The following LSP1 variants were observed in gnomAD, a reference collection of about 807,000 sequenced individuals.
The protein encoded by LSP1 is lymphocyte specific protein 1.
Under a neutral mutation model 49.3 loss-of-function variants are expected in LSP1, and 32 were observed. That is an observed-to-expected ratio of 0.65 (90% CI 0.49 to 0.87). The LOEUF (loss-of-function observed/expected upper bound fraction) is 0.87, where lower values mean the gene tolerates loss of function less well. Ranked by LOEUF, LSP1 falls within the 40% of genes least tolerant of loss-of-function variation. The probability of loss-of-function intolerance (pLI) is 0.00; values close to 1 mark genes in which losing one functional copy is unlikely to be tolerated. For synonymous variants in LSP1, 179 were observed against 178.8 expected (o/e 1.00, Z -0.01); for missense variants, 428 against 442.6 (o/e 0.97, Z 0.30).
At chr11:1,870,175 C>T (rs1283025788) in intron 1 of LSP1, 1 of 894,084 alleles carries the variant, frequency 1.1e-6, no homozygotes, top group Non-Finnish European at 1.6e-6. Flanking sequence ...GGCCGGTCCA[C>T]TTGACCTCAG....
At chr11:1,883,122 G>A (rs958932463) in intron 3 of LSP1, among the ~76,000 whole-genome samples, 1 of 152,234 alleles carries the variant, frequency 6.6e-6, no homozygotes, top group African/African-American at 2.4e-5. Context: ...CACAAAGCTG[G>A]GGATTGAACC....
chr11:1,880,006 G>A lies in LSP1; in HGVS notation c.54-81G>A, dbSNP rs776817354. ...GCCTGCACCGTGTGGCCCCAGCAAG[G>A]CCTGTGTAGATGGGAGGAATGGGTG... On this transcript the variant is annotated intron_variant, in intron 1 of 10. Transcript: ENST00000311604. The A allele has an allele frequency of 3.9e-6, 6 of 1,548,150 alleles. 1 individual carries two copies. The South Asian group carries it at 7.0e-5, about 18-fold the overall frequency.
At chr11:1,869,859 C>G in intron 1 of LSP1, 1 of 463,576 alleles carries the variant, frequency 2.2e-6, no homozygotes, top group Non-Finnish European at 4.5e-6. Context: ...GACTGGGACC[C>G]CCTGGGTCAG....
At chr11:1,886,911 C>T (rs749495946) in intron 8 of LSP1, 45 bp downstream of exon 8, 1 of 1,591,948 alleles carries the variant, frequency 6.3e-7, no homozygotes, top group Non-Finnish European at 8.6e-7. Context: ...GAGCCAGCGC[C>T]TGGGAGTTTA....
Position 1,870,131 on chromosome 11 carries a change from C to A in LSP1, c.54-9956C>A, listed in dbSNP as rs796998430. ...CTGGTGCTCACTGTGCCTCTTTAAA[C>A]GGGGATGTCTGGACCTCTGGTGCAG... On this transcript the variant is annotated intron_variant, in intron 1 of 10. Transcript: ENST00000311604. 7.4e-6 allele frequency: 4 copies of A among 540,188 alleles called. 1 individual carries two copies. The highest frequency in any genetic ancestry group is 3.0e-5 in the South Asian group (2 of 65,922). 33.5% of individuals were successfully genotyped at this position (540,188 alleles called of 1,614,324 possible). A position where few individuals can be genotyped will look rare whatever the true frequency, so the allele number is the denominator to read the frequency against.
At chr11:1,885,294 A>G (rs1421840149) in intron 7 of LSP1, among the ~76,000 whole-genome samples, 1 of 151,906 alleles carries the variant, frequency 6.6e-6, no homozygotes, top group African/African-American at 2.4e-5. Flanking sequence ...CCTCCATTCA[A>G]TCGGTACCTC....
chr11:1,881,607 G>T lies in LSP1; in HGVS notation c.356+11G>T. On this transcript the variant is annotated intron_variant, in intron 3 of 10. Coordinates refer to ENST00000311604, the MANE Select transcript of LSP1 (RefSeq NM_002339.3). ...GGAGCAAGAGGACAGGTGAGTGAGG[G>T]CCTCGAGGGCGGGCGCTGGGCAGAG... is the stretch of plus-strand genomic sequence containing the variant. The T allele has an allele frequency of 7.2e-7, 1 of 1,394,638 alleles. No individual in the cohort carries two copies. The highest frequency in any genetic ancestry group is 9.4e-7 in the Non-Finnish European group (1 of 1,058,598). The allele number at this position is 1,394,638 out of a possible 1,614,324, so 86.4% of individuals were successfully genotyped here. A position where few individuals can be genotyped will look rare whatever the true frequency, so the allele number is the denominator to read the frequency against.
chr11:1,889,814 T>A (rs943846003), intron 10 of LSP1: 4 of 637,516 alleles, frequency 6.3e-6, no homozygotes, highest in Non-Finnish European at 1.1e-5. Flanking sequence ...CTCTGGGCAC[T>A]GAGGCCTGGA....
chr11:1,866,514 T>G (rs1209026745), intron 1 of LSP1: 1 of 1,516,076 alleles, frequency 6.6e-7, no homozygotes, highest in African/African-American at 1.4e-5. Context: ...GGTCTCCGGC[T>G]GTCACCTGAG....
chr11:1,866,421 G>GCTCAC, intron 1 of LSP1: 2 of 1,434,496 alleles, frequency 1.4e-6, no homozygotes, highest in South Asian at 2.9e-5. Context: ...AGGGCAGCCC[G>GCTCAC]GCTCACCCCT....
At chr11:1,859,710 C>A (rs1402947951) in intron 1 of LSP1, among the ~76,000 whole-genome samples, 26 of 149,300 alleles carry the variant, frequency 1.7e-4, no homozygotes, top group South Asian at 4.3e-4. Flanking sequence ...AGCCCCCAGC[C>A]CCCAGCCCCC....
chr11:1,865,882 G>GCC (rs1847774283), intron 1 of LSP1, among the ~76,000 whole-genome samples: 1 of 151,988 alleles, frequency 6.6e-6, no homozygotes, highest in Non-Finnish European at 1.5e-5. Context: ...CCTGGCTGCA[G>GCC]CCACCAACCC....
chr11:1,854,574 G>C (rs929799717), intron 1 of LSP1, among the ~76,000 whole-genome samples: 2 of 152,298 alleles, frequency 1.3e-5, no homozygotes, highest in Middle Eastern at 3.4e-3. Context: ...GGTGCGGGGG[G>C]CCACTGAAGG....
At chr11:1,873,918 G>A (rs373521419) in intron 1 of LSP1, among the ~76,000 whole-genome samples, 829 of 80,296 alleles carry the variant, frequency 0.01, no homozygotes, top group South Asian at 0.015. Context: ...GGAGGCCGGC[G>A]GAGGAGGGAG....
At chr11:1,858,672 A>G (rs1042086543) in intron 1 of LSP1, among the ~76,000 whole-genome samples, 6 of 152,196 alleles carry the variant, frequency 3.9e-5, no homozygotes, top group African/African-American at 1.4e-4. Context: ...GCCAGGGGGC[A>G]GCCCAGCAGG....
chr11:1,888,826 C>G (rs1848862667), intron 10 of LSP1: 1 of 296,506 alleles, frequency 3.4e-6, no homozygotes, highest in Non-Finnish European at 6.3e-6. Flanking sequence ...TCAGTAGATG[C>G]AGTCCTCTGC....
chr11:1,878,349 C>T (rs1260295254), intron 1 of LSP1, among the ~76,000 whole-genome samples: 4 of 152,186 alleles, frequency 2.6e-5, no homozygotes, highest in Admixed American at 6.5e-5. Flanking sequence ...ATGCGGAGGC[C>T]GGCAGAAGCG....
intron 1 of LSP1, among the ~76,000 whole-genome samples, chr11:1,875,208 C>A (rs1848257464): frequency 6.7e-6 from 1 of 148,978 alleles, no homozygotes; most frequent in African/African-American, 2.6e-5. Flanking sequence ...CCCCATCAAC[C>A]CGCTGAGGAG....
intron 1 of LSP1, chr11:1,870,336 C>T (rs1474086364): frequency 2.3e-5 from 30 of 1,287,604 alleles, no homozygotes; most frequent in African/African-American, 4.6e-5. Flanking sequence ...CCGCAGCACC[C>T]GGGGACATAC....
Sources: gnomAD v4.1 joint callset for allele counts (sites outside exome capture counted in the v4.1 genomes callset) on GRCh38, gnomAD v4.1.1 for gene constraint, MANE v1.5 for transcripts, NCBI Gene and HGNC (gene_info 2026-07-23, HGNC 2026-07-21) for gene names.